The following PLCB4 variants were observed in gnomAD, a reference collection of about 807,000 sequenced individuals.
PLCB4 encodes the protein phospholipase C beta 4.
In PLCB4, 77 loss-of-function variants were observed where a neutral mutation model predicts 178.8. That is an observed-to-expected ratio of 0.43 (90% confidence interval 0.36 to 0.52). PLCB4 has a LOEUF of 0.52. Among genes scored for constraint, PLCB4 ranks in the 20% least tolerant of loss-of-function variants. PLCB4 has a pLI of 0.00. For synonymous variants in PLCB4, 496 were observed against 490.8 expected, an observed-to-expected ratio of 1.01 and a Z score of -0.14; for missense variants, 1,024 against 1,453.4, an observed-to-expected ratio of 0.70 and a Z score of 4.80.
At chr20:9,086,175 T>G (rs551500805) in intron 1 of PLCB4, among the ~76,000 whole-genome samples, 1 of 152,220 alleles carries the variant, frequency 6.6e-6, no homozygotes, top group Non-Finnish European at 1.5e-5. Context: ...GCCATCATGA[T>G]GAGAAAAAGT....
At chr20:9,222,758 T>A (rs1411721512) in intron 3 of PLCB4, among the ~76,000 whole-genome samples, 2 of 152,194 alleles carry the variant, frequency 1.3e-5, no homozygotes, top group Non-Finnish European at 2.9e-5. Flanking sequence ...AAAGCAACAT[T>A]TGGCTCGTGG....
At chr20:9,201,015 A>C (rs2145266) in intron 2 of PLCB4, among the ~76,000 whole-genome samples, 61,063 of 152,088 alleles carry the variant, frequency 0.4, 12,343 homozygotes, top group South Asian at 0.5. Flanking sequence ...TAAACATGAC[A>C]ACAAAGTGGG....
At chr20:9,153,224 G>A (rs190164335) in intron 2 of PLCB4, among the ~76,000 whole-genome samples, 65 of 152,240 alleles carry the variant, frequency 4.3e-4, no homozygotes, top group Non-Finnish European at 7.3e-5. Context: ...GGGGCTGTTG[G>A]GAAGGCATGA....
At chr20:9,475,079 A>T (rs2044456188) in intron 38 of PLCB4, among the ~76,000 whole-genome samples, 1 of 152,260 alleles carries the variant, frequency 6.6e-6, no homozygotes, top group Non-Finnish European at 1.5e-5. Flanking sequence ...ATGGGTAGGG[A>T]TAAGGATGCC....
intron 25 of PLCB4, among the ~76,000 whole-genome samples, chr20:9,417,136 G>A (rs1185282216): frequency 6.6e-6 from 1 of 151,954 alleles, no homozygotes; most frequent in Non-Finnish European, 1.5e-5. Flanking sequence ...TTGGAAAAAA[G>A]TACTTTTATT....
At chr20:9,176,702 A>T (rs1165221730) in intron 2 of PLCB4, among the ~76,000 whole-genome samples, 2 of 152,198 alleles carry the variant, frequency 1.3e-5, no homozygotes. Flanking sequence ...CCATGAGCAT[A>T]TACACAAAAC....
chr20:9,185,280 G>T (rs540583793), intron 2 of PLCB4, among the ~76,000 whole-genome samples: 347 of 152,234 alleles, frequency 2.3e-3, no homozygotes, highest in Non-Finnish European at 2.5e-3. Context: ...TAGAAACCTA[G>T]TGTTTGACTG....
At chr20:9,204,179 C>T (rs563062466) in intron 2 of PLCB4, among the ~76,000 whole-genome samples, 117 of 151,950 alleles carry the variant, frequency 7.7e-4, no homozygotes, top group Non-Finnish European at 1.4e-3. Context: ...AAATCTTAGT[C>T]GTTGAGTCGT....
chr20:9,458,070 A>C (rs1328566450), intron 34 of PLCB4, among the ~76,000 whole-genome samples: 1 of 152,070 alleles, frequency 6.6e-6, no homozygotes, highest in Non-Finnish European at 1.5e-5. Flanking sequence ...TCTTCCAGCA[A>C]TGATAGTTTT....
chr20:9,403,780 A>G (rs982086166), intron 20 of PLCB4, among the ~76,000 whole-genome samples: 2 of 152,246 alleles, frequency 1.3e-5, no homozygotes, highest in African/African-American at 2.4e-5. Context: ...ACAGTTTACT[A>G]TGTGAAAGTT....
intron 7 of PLCB4, among the ~76,000 whole-genome samples, chr20:9,346,711 G>T (rs2033832167): frequency 6.6e-6 from 1 of 152,176 alleles, no homozygotes; most frequent in African/African-American, 2.4e-5. Context: ...GCAGAGCTGT[G>T]AATCAGAACA....
At chr20:9,322,679 G>A (rs1299665053) in intron 4 of PLCB4, among the ~76,000 whole-genome samples, 4 of 152,204 alleles carry the variant, frequency 2.6e-5, no homozygotes, top group African/African-American at 9.7e-5. Context: ...GTGAAAAGGA[G>A]ACTAGTTTTT....
intron 4 of PLCB4, among the ~76,000 whole-genome samples, chr20:9,316,823 AGGCCTGT>A (rs1287231626): frequency 2.0e-5 from 3 of 152,198 alleles, no homozygotes; most frequent in African/African-American, 7.2e-5. Context: ...AACAACATTC[AGGCCTGT>A]TCCTTCCTCT....
chr20:9,417,528 T>C lies in PLCB4; in HGVS notation c.2052-2279T>C, dbSNP rs551827945. Among the ~76,000 whole-genome samples the C allele has an allele frequency of 9.2e-5, 14 of 152,326 alleles. No homozygotes were observed. In the South Asian group the frequency reaches 2.9e-3, roughly 32 times the overall value. ...TCATCCAGGTTGTAATGTGTATCAATACTTTATTATTTTTATTGCTGAATA... is the reference window on the plus strand; with the variant it reads ...TCATCCAGGTTGTAATGTGTATCAACACTTTATTATTTTTATTGCTGAATA... On this transcript the variant is annotated intron_variant, in intron 25 of 39. Transcript: ENST00000378473.
At chr20:9,458,222 A>G (rs551867319) in intron 34 of PLCB4, among the ~76,000 whole-genome samples, 1 of 152,316 alleles carries the variant, frequency 6.6e-6, no homozygotes, top group South Asian at 2.1e-4. Flanking sequence ...TGCTGCATGC[A>G]TGGAGCAGGC....
chr20:9,324,459 T>TA (rs1472051090), intron 4 of PLCB4, among the ~76,000 whole-genome samples: 1 of 152,062 alleles, frequency 6.6e-6, no homozygotes, highest in Non-Finnish European at 1.5e-5. Context: ...CAACAAATCC[T>TA]AAAAAAGCCC....
rs1318065236 is a variant in PLCB4, at chr20:9,479,785, T to C, written c.*776T>C. ...AATGTGACCATGTATAAAGTATTTA[T>C]ACTCTTTAATTCACACTGTTAGAGA... On this transcript the variant is annotated 3_prime_UTR_variant, in exon 40 of 40. Coordinates refer to ENST00000378473, the MANE Select transcript of PLCB4 (RefSeq NM_001377142.1). The C allele has an allele frequency of 1.3e-5, 2 of 152,674 alleles. No individual in the cohort carries two copies. The highest frequency in any genetic ancestry group is 2.9e-5 in the Non-Finnish European group (2 of 68,054). The allele number at this position is 152,674 out of a possible 1,614,324, so 9.5% of individuals were successfully genotyped here. A position where few individuals can be genotyped will look rare whatever the true frequency, so the allele number is the denominator to read the frequency against.
Position 9,421,297 on chromosome 20 carries a change from G to A in PLCB4, c.2155G>A (p.Val719Ile). Residue 719 changes from valine to isoleucine, a missense_variant and splice_region_variant, in exon 27 of 40, where the codon GTT (valine) becomes ATT (isoleucine). Physicochemically the swap from Val to Ile is conservative, Grantham distance 29 (BLOSUM62 3). Transcript: ENST00000378473. Reference sequence around the variant, plus strand: ...TTTGCTCTCGTTCGTGCTGCTACAGGTTATATCAGGTCAATTCTTATCAGA... The same window carrying A: ...TTTGCTCTCGTTCGTGCTGCTACAGATTATATCAGGTCAATTCTTATCAGA... ...GVIAATCSVQVISGQFLSDKK... is the reference protein window; with the variant it reads ...GVIAATCSVQIISGQFLSDKK... The A allele has an allele frequency of 6.2e-7, 1 of 1,612,216 alleles. No individual in the cohort carries two copies. The highest frequency in any genetic ancestry group is 8.5e-7 in the Non-Finnish European group (1 of 1,178,694).
At chr20:9,211,016 G>T (rs1481878754) in intron 2 of PLCB4, among the ~76,000 whole-genome samples, 2 of 152,176 alleles carry the variant, frequency 1.3e-5, no homozygotes, top group Non-Finnish European at 1.5e-5. Context: ...TCTAAGATTT[G>T]ATTACTTTTA....
Sources: gnomAD v4.1 joint callset for allele counts (sites outside exome capture counted in the v4.1 genomes callset) on GRCh38, gnomAD v4.1.1 for gene constraint, MANE v1.5 for transcripts, NCBI Gene and HGNC (gene_info 2026-07-23, HGNC 2026-07-21) for gene names.